GREM1: variants seen among roughly 807,000 people sequenced by gnomAD.
GREM1 encodes the protein gremlin 1, DAN family BMP antagonist.
A neutral mutation model predicts 13.1 loss-of-function variants in GREM1; 6 were observed. The ratio of observed to expected loss-of-function variants is 0.46; its 90% CI spans 0.25 to 0.91. The LOEUF (loss-of-function observed/expected upper bound fraction) is 0.91, where lower values mean the gene tolerates loss of function less well. GREM1 is among the 40% of genes least tolerant of loss of function. GREM1 has a pLI of 0.18. For missense variants in GREM1, 185 were observed against 233.9 expected, an observed-to-expected ratio of 0.79 and a Z score of 1.36; for synonymous variants, 98 against 93.7, an observed-to-expected ratio of 1.05 and a Z score of -0.27.
chr15:32,728,127 A>T (rs1253078817), intron 1 of GREM1, among the ~76,000 whole-genome samples: 1 of 152,224 alleles, frequency 6.6e-6, no homozygotes, highest in East Asian at 1.9e-4. Context: ...CAGAATTAGA[A>T]AAAAACTACT....
chr15:32,740,697 C>T lies in GREM1; in HGVS notation c.*9452C>T, dbSNP rs775258288. The T allele has an allele frequency of 6.6e-6, 1 of 151,972 alleles. No homozygotes were observed. The highest frequency in any genetic ancestry group is 1.5e-5 in the Non-Finnish European group (1 of 68,014). 9.4% of individuals were successfully genotyped at this position (151,972 alleles called of 1,614,324 possible). On this transcript the variant is annotated 3_prime_UTR_variant, in exon 2 of 2. Coordinates refer to ENST00000651154, the MANE Select transcript of GREM1 (RefSeq NM_013372.7). ...CAAAGAAATAATGGCTGAACACTTC[C>T]CAAATATGAGGAAGAAAATGAACAT...
rs2055614358 is a variant in GREM1 at position 32,731,344 on chromosome 15, A to G, written c.*99A>G. 1.1e-6 allele frequency: 1 copy of G among 930,162 alleles called. No individual in the cohort carries two copies. The highest frequency in any genetic ancestry group is 1.7e-5 in the South Asian group (1 of 59,808). 57.6% of individuals were successfully genotyped at this position (930,162 alleles called of 1,614,324 possible). On this transcript the variant is annotated 3_prime_UTR_variant, in exon 2 of 2. Coordinates refer to ENST00000651154, the MANE Select transcript of GREM1 (RefSeq NM_013372.7). The stretch of plus-strand genomic sequence containing the variant: ...CTTACTTGGCTTAAACCTAGAGGCC[A>G]GAAGAACCCCCAGCTGCCTCCTGGC...
intron 1 of GREM1, among the ~76,000 whole-genome samples, chr15:32,723,551 G>C (rs899108691): frequency 1.3e-5 from 2 of 150,924 alleles, no homozygotes; most frequent in Non-Finnish European, 1.5e-5. Context: ...TTGAAGAATA[G>C]GTTTTTAAAA....
At chr15:32,729,169 G>A (rs111494668) in intron 1 of GREM1, among the ~76,000 whole-genome samples, 1 of 147,088 alleles carries the variant, frequency 6.8e-6, no homozygotes, top group Admixed American at 6.9e-5. Context: ...CACTACAGGC[G>A]CCCGCCACTA....
In GREM1 at chr15:32,734,426, A is replaced by G; in HGVS notation, c.*3181A>G. 4.1e-6 allele frequency: 1 copy of G among 246,604 alleles called. No individual in the cohort carries two copies. Among genetic ancestry groups the G allele is most frequent in the East Asian group, 6.1e-5 (1 of 16,284 alleles). The allele number at this position is 246,604 out of a possible 1,614,324, so 15.3% of individuals were successfully genotyped here. On this transcript the variant is annotated 3_prime_UTR_variant, in exon 2 of 2. Transcript: ENST00000651154. ...AAAGTAGTTCTATTGACATTCCTCAAGATATTTAATATCAACTGCATTATG... is the reference window on the plus strand; with the variant it reads ...AAAGTAGTTCTATTGACATTCCTCAGGATATTTAATATCAACTGCATTATG...
rs186195372 is a variant in GREM1, at chr15:32,737,189, A to G, written c.*5944A>G. The G allele has an allele frequency of 2.6e-5, 4 of 152,356 alleles. No homozygotes were observed. In the East Asian group the frequency reaches 7.7e-4, roughly 29 times the overall value. The allele number at this position is 152,356 out of a possible 1,614,324, so 9.4% of individuals were successfully genotyped here. Reference sequence around the variant, plus strand: ...GATGTCTTAACTGATTAATGTTAGCAAATATTTAAAGAAGAATTGGTACAA... The same window carrying G: ...GATGTCTTAACTGATTAATGTTAGCGAATATTTAAAGAAGAATTGGTACAA... On this transcript the variant is annotated 3_prime_UTR_variant, in exon 2 of 2. Transcript: ENST00000651154.
chr15:32,718,202 G>A, intron 1 of GREM1, 41 bp downstream of exon 1: 1 of 1,333,728 alleles, frequency 7.5e-7, no homozygotes, highest in Non-Finnish European at 9.9e-7. Context: ...AGTGGGCGGA[G>A]GGAAGAGGGC....
At chr15:32,724,383 G>T (rs1416468835) in intron 1 of GREM1, among the ~76,000 whole-genome samples, 1 of 152,216 alleles carries the variant, frequency 6.6e-6, no homozygotes, top group Non-Finnish European at 1.5e-5. Flanking sequence ...CAGGAGGTAT[G>T]GAGGAAGACT....
At chr15:32,722,299 T>G (rs1376080009) in intron 1 of GREM1, among the ~76,000 whole-genome samples, 1 of 152,254 alleles carries the variant, frequency 6.6e-6, no homozygotes, top group African/African-American at 2.4e-5. Context: ...TTTCTTATGC[T>G]GAGAGAATAA....
rs941834478 is a variant in GREM1 at position 32,736,146 on chromosome 15, T to C, written c.*4901T>C. On this transcript the variant is annotated 3_prime_UTR_variant, in exon 2 of 2. Transcript: ENST00000651154. Reference sequence around the variant, plus strand: ...CCCATTCCTAGACAATTGTCACTATTTGACCTGTTTGGCAGGCCCTGGAAG... The same window carrying C: ...CCCATTCCTAGACAATTGTCACTATCTGACCTGTTTGGCAGGCCCTGGAAG... 6.6e-6 allele frequency: 1 copy of C among 152,188 alleles called. No homozygotes were observed. The highest frequency in any genetic ancestry group is 1.5e-5 in the Non-Finnish European group (1 of 68,034). The allele number at this position is 152,188 out of a possible 1,614,324, so 9.4% of individuals were successfully genotyped here.
In GREM1 at chr15:32,738,146, G is replaced by A. The variant is rs1344612262; in HGVS notation, c.*6901G>A. ...AAAAAAAAAAAAAGAAAAGAAAAAA[G>A]TCATCCAGATTGGAAAAGAAATAAA... On this transcript the variant is annotated 3_prime_UTR_variant, in exon 2 of 2. Transcript: ENST00000651154. 31 of 32,858 alleles carry A rather than the reference G, an allele frequency of 9.4e-4. No homozygotes were observed. The highest frequency in any genetic ancestry group is 1.3e-3 in the Non-Finnish European group (21 of 15,640). 2.0% of individuals were successfully genotyped at this position (32,858 alleles called of 1,614,324 possible).
rs1444727039 is a variant in GREM1 at position 32,738,053 on chromosome 15, A to C, written c.*6808A>C. On this transcript the variant is annotated 3_prime_UTR_variant, in exon 2 of 2. Transcript: ENST00000651154. Reference sequence around the variant, plus strand: ...GCTGTCACTATTTTTATTCAATATTATACTGGAGGTTCTACCTAGGGTAAT... The same window carrying C: ...GCTGTCACTATTTTTATTCAATATTCTACTGGAGGTTCTACCTAGGGTAAT... 1 of 127,862 alleles carries C rather than the reference A, an allele frequency of 7.8e-6. No homozygotes were observed. Among genetic ancestry groups the C allele is most frequent in the Non-Finnish European group, 1.6e-5 (1 of 62,308 alleles). The allele number at this position is 127,862 out of a possible 1,614,324, so 7.9% of individuals were successfully genotyped here. A position where few individuals can be genotyped will look rare whatever the true frequency, so the allele number is the denominator to read the frequency against.
rs769212789 is a variant in GREM1 at position 32,735,508 on chromosome 15, A to T, written c.*4263A>T. On this transcript the variant is annotated 3_prime_UTR_variant, in exon 2 of 2. Transcript: ENST00000651154. ...TTAAGAACATAACACAGCACTCTAA[A>T]AATAGATCTAACTAGATTGTTCACA... is the stretch of plus-strand genomic sequence containing the variant. The T allele has an allele frequency of 1.3e-5, 2 of 152,184 alleles. No individual in the cohort carries two copies. Among genetic ancestry groups the T allele is most frequent in the Non-Finnish European group, 2.9e-5 (2 of 68,034 alleles). 9.4% of individuals were successfully genotyped at this position (152,184 alleles called of 1,614,324 possible). A position where few individuals can be genotyped will look rare whatever the true frequency, so the allele number is the denominator to read the frequency against.
rs2055725691 is a variant in GREM1, at chr15:32,738,121, AAAAAAAAAAAAAGAAAAG to A, written c.*6883_*6900del. 3.4e-5 allele frequency: 1 copy of A among 29,024 alleles called. No homozygotes were observed. Among genetic ancestry groups the A allele is most frequent in the African/African-American group, 1.8e-4 (1 of 5,552 alleles). 1.8% of individuals were successfully genotyped at this position (29,024 alleles called of 1,614,324 possible). On this transcript the variant is annotated 3_prime_UTR_variant, in exon 2 of 2. Transcript: ENST00000651154. The stretch of plus-strand genomic sequence containing the variant: ...AAAAAAAAAAAAAAAAAAAAAAAAA[AAAAAAAAAAAAAGAAAAG>A]AAAAAAGTCATCCAGATTGGAAAAG...
rs146296967 is a variant in GREM1 at position 32,736,713 on chromosome 15, G to C, written c.*5468G>C. 6.6e-6 allele frequency: 1 copy of C among 152,268 alleles called. No individual in the cohort carries two copies. Among genetic ancestry groups the C allele is most frequent in the African/African-American group, 2.4e-5 (1 of 41,544 alleles). 9.4% of individuals were successfully genotyped at this position (152,268 alleles called of 1,614,324 possible). A position where few individuals can be genotyped will look rare whatever the true frequency, so the allele number is the denominator to read the frequency against. On this transcript the variant is annotated 3_prime_UTR_variant, in exon 2 of 2. Coordinates refer to ENST00000651154, the MANE Select transcript of GREM1 (RefSeq NM_013372.7). The stretch of plus-strand genomic sequence containing the variant: ...AAAAAATACAGACTTTACAGAATTA[G>C]TTCAGAAAAGTCATTAAACAAAGAA...
In GREM1 at chr15:32,731,405, G is replaced by T; in HGVS notation, c.*160G>T. ...TTGTGCGTAGTTCGTGTGCATGAGTGTGGATGGGTGCCTGTGGGTGTTTTT... is the reference window on the plus strand; with the variant it reads ...TTGTGCGTAGTTCGTGTGCATGAGTTTGGATGGGTGCCTGTGGGTGTTTTT... On this transcript the variant is annotated 3_prime_UTR_variant, in exon 2 of 2. Coordinates refer to ENST00000651154, the MANE Select transcript of GREM1 (RefSeq NM_013372.7). 1 of 627,278 alleles carries T rather than the reference G, an allele frequency of 1.6e-6. No individual in the cohort carries two copies. Among genetic ancestry groups the T allele is most frequent in the Non-Finnish European group, 2.9e-6 (1 of 348,556 alleles). 38.9% of individuals were successfully genotyped at this position (627,278 alleles called of 1,614,324 possible).
At chr15:32,718,453 G>A in intron 1 of GREM1, 1 of 470,834 alleles carries the variant, frequency 2.1e-6, no homozygotes, top group Non-Finnish European at 4.2e-6. Context: ...CCCCGAACAC[G>A]CTCCTGGTGC....
At chr15:32,722,684 C>T (rs2055428015) in intron 1 of GREM1, among the ~76,000 whole-genome samples, 1 of 152,114 alleles carries the variant, frequency 6.6e-6, no homozygotes, top group Admixed American at 6.6e-5. Flanking sequence ...TACTCTTGAT[C>T]CCTAAGGGAA....
rs1038505763 is a variant in GREM1 at position 32,737,734 on chromosome 15, C to T, written c.*6489C>T. The T allele has an allele frequency of 6.6e-6, 1 of 151,612 alleles. No homozygotes were observed. Among genetic ancestry groups the T allele is most frequent in the African/African-American group, 2.4e-5 (1 of 41,242 alleles). The allele number at this position is 151,612 out of a possible 1,614,324, so 9.4% of individuals were successfully genotyped here. On this transcript the variant is annotated 3_prime_UTR_variant, in exon 2 of 2. Transcript: ENST00000651154. ...CTGAGGTCAGGAGTTCGAGACCAACCTGACCAACATGGAGAAACCCTGTAT... is the reference window on the plus strand; with the variant it reads ...CTGAGGTCAGGAGTTCGAGACCAACTTGACCAACATGGAGAAACCCTGTAT...
Sources: gnomAD v4.1 joint callset for allele counts (sites outside exome capture counted in the v4.1 genomes callset) on GRCh38, gnomAD v4.1.1 for gene constraint, MANE v1.5 for transcripts, NCBI Gene and HGNC (gene_info 2026-07-23, HGNC 2026-07-21) for gene names.